The following ZNF354B variants were observed in gnomAD, a reference collection of about 807,000 sequenced individuals.
ZNF354B encodes zinc finger protein 354B.
Under a neutral mutation model 12.9 loss-of-function variants are expected in ZNF354B, and 10 were observed. The ratio of observed to expected loss-of-function variants is 0.77; its 90% CI spans 0.48 to 1.31. The LOEUF (loss-of-function observed/expected upper bound fraction) is 1.31, where lower values mean the gene tolerates loss of function less well. Ranked by LOEUF, ZNF354B falls within the 40% of genes most tolerant of loss-of-function variation. The pLI, the probability that ZNF354B is intolerant of heterozygous loss-of-function variation, is 0.00. For synonymous variants in ZNF354B, 260 were observed against 243.7 expected, an observed-to-expected ratio of 1.07 and a Z score of -0.62; for missense variants, 614 against 711.7, an observed-to-expected ratio of 0.86 and a Z score of 1.56.
intron 4 of ZNF354B, among the ~76,000 whole-genome samples, chr5:178,868,782 C>G (rs1282742517): frequency 6.6e-6 from 1 of 152,066 alleles, no homozygotes; most frequent in Non-Finnish European, 1.5e-5. Context: ...ACCATCCTGG[C>G]TAACATGGTG....
intron 4 of ZNF354B, among the ~76,000 whole-genome samples, chr5:178,879,671 G>C (rs6861717): frequency 0.15 from 22,556 of 152,154 alleles, 2,056 homozygotes; most frequent in African/African-American, 0.25. Flanking sequence ...GAGCCGCCGT[G>C]CCTGGCCCAG....
chr5:178,883,412 T>C lies in ZNF354B; in HGVS notation c.960T>C (p.His320=). 6.2e-7 allele frequency: 1 copy of C among 1,614,050 alleles called. No individual in the cohort carries two copies. Among genetic ancestry groups the C allele is most frequent in the South Asian group, 1.1e-5 (1 of 91,082 alleles). The part of the protein sequence containing the change: ...RSGLFIHQKI[H]AQENPHKYNP... ...GGCTTTTTATACATCAAAAAATCCA[T>C]GCTCAAGAAAATCCCCATAAATACA... The change falls in exon 5 of 5, where the codon CAT becomes CAC. Residue 320 remains histidine (H), a synonymous_variant. Coordinates refer to ENST00000322434, the MANE Select transcript of ZNF354B (RefSeq NM_058230.3).
Position 178,884,555 on chromosome 5 carries a change from T to C in ZNF354B, c.*264T>C, listed in dbSNP as rs1391989065. The C allele has an allele frequency of 6.9e-6, 2 of 289,946 alleles. No homozygotes were observed. Among genetic ancestry groups the C allele is most frequent in the East Asian group, 5.9e-5 (1 of 16,858 alleles). 18.0% of individuals were successfully genotyped at this position (289,946 alleles called of 1,614,324 possible). On this transcript the variant is annotated 3_prime_UTR_variant, in exon 5 of 5. Transcript: ENST00000322434. ...AAATCTCTTTATATAATATATGCTA[T>C]CTATGACATGCAAAAAAGAAAAGTC...
intron 2 of ZNF354B, among the ~76,000 whole-genome samples, chr5:178,865,467 C>T (rs1757432808): frequency 6.6e-6 from 1 of 152,056 alleles, no homozygotes; most frequent in South Asian, 2.1e-4. Context: ...CAGGGTTTCA[C>T]CATGTTGGCC....
Position 178,867,023 on chromosome 5 carries a change from G to GA in ZNF354B, c.210dup (p.Asp71ArgfsTer18). Reference sequence around the variant, plus strand: ...AGTCATCTCCCTGTTGCAGCAAGGAGAAGATCCCTGGGAGGTGGAGAAAGA... The same window carrying GA: ...AGTCATCTCCCTGTTGCAGCAAGGAGAAAGATCCCTGGGAGGTGGAGAAAGA... On this transcript the variant is annotated frameshift_variant, in exon 4 of 5. Coordinates refer to ENST00000322434, the MANE Select transcript of ZNF354B (RefSeq NM_058230.3). LOFTEE classifies it low-confidence loss of function (END_TRUNC). 1 of 1,613,996 alleles carries GA rather than the reference G, an allele frequency of 6.2e-7. No homozygotes were observed. The highest frequency in any genetic ancestry group is 8.5e-7 in the Non-Finnish European group (1 of 1,179,978).
Position 178,883,818 on chromosome 5 carries a change from C to G in ZNF354B, c.1366C>G (p.His456Asp). The change falls in exon 5 of 5, where the codon CAT (histidine) becomes GAT (aspartate). Residue 456 changes from histidine to aspartate, a missense_variant. Coordinates refer to ENST00000322434, the MANE Select transcript of ZNF354B (RefSeq NM_058230.3). ...ALSSHSTLII[H>D]ERIHTGEKPC... Reference sequence around the variant, plus strand: ...AAGCTCCCACTCAACACTTATTATTCATGAGCGAATTCATACTGGAGAAAA... The same window carrying G: ...AAGCTCCCACTCAACACTTATTATTGATGAGCGAATTCATACTGGAGAAAA... The G allele has an allele frequency of 6.2e-7, 1 of 1,614,140 alleles. No individual in the cohort carries two copies. The highest frequency in any genetic ancestry group is 1.1e-5 in the South Asian group (1 of 91,072).
chr5:178,861,017 G>A lies in ZNF354B; in HGVS notation c.-31G>A, dbSNP rs1757337727. The A allele has an allele frequency of 5.3e-6, 5 of 947,836 alleles. No individual in the cohort carries two copies. The highest frequency in any genetic ancestry group is 2.4e-5 in the Admixed American group (1 of 41,798). 58.7% of individuals were successfully genotyped at this position (947,836 alleles called of 1,614,324 possible). A position where few individuals can be genotyped will look rare whatever the true frequency, so the allele number is the denominator to read the frequency against. Reference sequence around the variant, plus strand: ...CTCAGATCTGCCTTCTGGAGACTGCGCCGTCCTCCCGGGAGAGCCAGAAAG... The same window carrying A: ...CTCAGATCTGCCTTCTGGAGACTGCACCGTCCTCCCGGGAGAGCCAGAAAG... On this transcript the variant is annotated 5_prime_UTR_variant, in exon 2 of 5. Transcript: ENST00000322434.
intron 4 of ZNF354B, among the ~76,000 whole-genome samples, chr5:178,870,653 T>C (rs1757548647): frequency 6.6e-6 from 1 of 152,176 alleles, no homozygotes; most frequent in Non-Finnish European, 1.5e-5. Flanking sequence ...GAGGGGTTGC[T>C]CAGCAAGGTT....
chr5:178,876,747 TC>T (rs1409816611), intron 4 of ZNF354B, among the ~76,000 whole-genome samples: 1 of 152,236 alleles, frequency 6.6e-6, no homozygotes, highest in African/African-American at 2.4e-5. Flanking sequence ...CTTTTTGTTT[TC>T]TTTTTATTGA....
chr5:178,868,280 A>G (rs1323965721), intron 4 of ZNF354B, among the ~76,000 whole-genome samples: 1 of 149,266 alleles, frequency 6.7e-6, no homozygotes, highest in African/African-American at 2.5e-5. Context: ...TTCAGGAAAC[A>G]GCATTTGCGA....
intron 4 of ZNF354B, among the ~76,000 whole-genome samples, chr5:178,872,034 A>G (rs1247146277): frequency 6.6e-6 from 1 of 152,202 alleles, no homozygotes; most frequent in African/African-American, 2.4e-5. Flanking sequence ...CAAGATACTG[A>G]CATTGATACA....
intron 2 of ZNF354B, among the ~76,000 whole-genome samples, chr5:178,864,901 G>T (rs1757422980): frequency 6.6e-6 from 1 of 151,924 alleles, no homozygotes; most frequent in African/African-American, 2.4e-5. Context: ...AGGATTACAG[G>T]TGTGAGCCAC....
Position 178,882,790 on chromosome 5 carries a change from G to A in ZNF354B, c.338G>A (p.Arg113Lys). Reference protein sequence around the residue: ...FQEQIRKRLKRDEPWNFISER... With the variant: ...FQEQIRKRLKKDEPWNFISER... ...GAGCAGATAAGGAAAAGATTGAAAA[G>A]GGATGAACCCTGGAACTTCATATCA... The change falls in exon 5 of 5, where the codon AGG (arginine) becomes AAG (lysine). Residue 113 changes from arginine to lysine, a missense_variant. Arg to Lys is a conservative substitution (Grantham distance 26). Transcript: ENST00000322434. 1.3e-6 allele frequency: 2 copies of A among 1,599,500 alleles called. No individual in the cohort carries two copies. The highest frequency in any genetic ancestry group is 8.5e-7 in the Non-Finnish European group (1 of 1,176,664).
At chr5:178,872,022 A>G (rs994133636) in intron 4 of ZNF354B, among the ~76,000 whole-genome samples, 1 of 152,212 alleles carries the variant, frequency 6.6e-6, no homozygotes, top group African/African-American at 2.4e-5. Flanking sequence ...TAATACCACA[A>G]CCAAGATACT....
intron 4 of ZNF354B, among the ~76,000 whole-genome samples, chr5:178,876,673 T>C (rs1173483947): frequency 1.3e-5 from 2 of 152,260 alleles, no homozygotes; most frequent in African/African-American, 2.4e-5. Context: ...ACCTTTTGAA[T>C]TTCCCTAGTG....
intron 2 of ZNF354B, among the ~76,000 whole-genome samples, chr5:178,864,293 C>T (rs1344949253): frequency 6.6e-6 from 1 of 152,144 alleles, no homozygotes; most frequent in African/African-American, 2.4e-5. Flanking sequence ...CATGCACAGA[C>T]ACTTAGCATT....
intron 2 of ZNF354B, among the ~76,000 whole-genome samples, chr5:178,861,955 T>C (rs144373641): frequency 5.3e-5 from 8 of 152,304 alleles, no homozygotes; most frequent in African/African-American, 1.9e-4. Flanking sequence ...TAGTTACTGC[T>C]CAGCATATGG....
At chr5:178,870,156 T>G (rs1466387901) in intron 4 of ZNF354B, among the ~76,000 whole-genome samples, 1 of 151,716 alleles carries the variant, frequency 6.6e-6, no homozygotes, top group Admixed American at 6.6e-5. Context: ...TATATAACTT[T>G]AAAAAAGAAA....
intron 4 of ZNF354B, among the ~76,000 whole-genome samples, chr5:178,874,974 T>C (rs1262420125): frequency 6.6e-6 from 1 of 152,230 alleles, no homozygotes; most frequent in Non-Finnish European, 1.5e-5. Flanking sequence ...CTTGTCCTAG[T>C]TTCACAGAGG....
Sources: allele counts gnomAD v4.1 joint callset (sites outside exome capture counted in the v4.1 genomes callset), GRCh38; gene constraint gnomAD v4.1.1; transcripts MANE v1.5; gene names NCBI Gene and HGNC (gene_info 2026-07-23, HGNC 2026-07-21).